The following CPVL variants were observed in gnomAD, a reference collection of about 807,000 sequenced individuals.
CPVL encodes the protein carboxypeptidase vitellogenic like.
CPVL carries 51 observed loss-of-function variants against 63.7 expected under a neutral mutation model. That is an observed-to-expected ratio of 0.80 (90% confidence interval 0.64 to 1.01). The LOEUF is 1.01. CPVL is among the 50% of genes least tolerant of loss of function. The pLI is 0.00. For missense variants in CPVL, 530 were observed against 573.1 expected, an observed-to-expected ratio of 0.92 and a Z score of 0.77; for synonymous variants, 195 against 206.0, an observed-to-expected ratio of 0.95 and a Z score of 0.46.
In CPVL at chr7:29,178,185, C is replaced by T. The variant is rs193000937; in HGVS notation, c.-11+3105G>A. On this transcript the variant is annotated intron_variant, in intron 5 of 16. Coordinates refer to the CPVL transcript ENST00000409850. ...AACCACTGGAATAGTCACATAGCCA[C>T]CGTGCACCCTGCTCTTCTTACTATC... Among the ~76,000 whole-genome samples, 85 of 152,332 alleles carry T rather than the reference C, an allele frequency of 5.6e-4. No individual in the cohort carries two copies. In the East Asian group the frequency reaches 0.012, roughly 21 times the overall value.
intron 11 of CPVL, among the ~76,000 whole-genome samples, chr7:29,062,640 G>GCCTAT (rs1316676848): frequency 6.6e-6 from 1 of 152,158 alleles, no homozygotes; most frequent in Non-Finnish European, 1.5e-5. Flanking sequence ...GGGTGCATTG[G>GCCTAT]CCAGGGACTG....
intron 3 of CPVL, among the ~76,000 whole-genome samples, chr7:29,096,984 CAAAAAAAAA>C (rs1165892123): frequency 8.4e-4 from 43 of 51,192 alleles, no homozygotes; most frequent in Non-Finnish European, 1.3e-3. Flanking sequence ...GACTCTGTCT[CAAAAAAAAA>C]AAAAAAAAAA....
chr7:29,047,673 A>G (rs980259456), intron 11 of CPVL, among the ~76,000 whole-genome samples: 6 of 152,224 alleles, frequency 3.9e-5, no homozygotes, highest in African/African-American at 1.4e-4. Context: ...ACATCCAAAT[A>G]CAAGAAGCAC....
intron 11 of CPVL, among the ~76,000 whole-genome samples, chr7:29,036,262 C>T (rs141939063): frequency 1.2e-4 from 18 of 152,264 alleles, no homozygotes; most frequent in East Asian, 3.9e-4. Flanking sequence ...GAGGATGCGA[C>T]GAACTATACA....
chr7:29,069,333 C>T (rs531835727), intron 9 of CPVL, among the ~76,000 whole-genome samples: 3 of 150,342 alleles, frequency 2.0e-5, no homozygotes, highest in South Asian at 2.1e-4. Context: ...CCCAGCTACT[C>T]GGGAGGCTGA....
intron 1 of CPVL, chr7:29,193,033 C>T (rs1783094845): frequency 1.3e-5 from 2 of 152,248 alleles, no homozygotes; most frequent in Non-Finnish European, 1.5e-5. Flanking sequence ...TGCATCATTT[C>T]GTGCAGTCCA....
At chr7:29,066,230 T>C in intron 9 of CPVL, 109 bp from the exon 10 acceptor site, 1 of 664,130 alleles carries the variant, frequency 1.5e-6, no homozygotes, top group Non-Finnish European at 2.6e-6. Context: ...CATTCCTTTA[T>C]TGTTTCATCC....
intron 11 of CPVL, among the ~76,000 whole-genome samples, chr7:29,050,916 G>T (rs984547031): frequency 6.6e-6 from 1 of 151,984 alleles, no homozygotes; most frequent in African/African-American, 2.4e-5. Flanking sequence ...ATAGACTGAT[G>T]GAACAGAATA....
chr7:29,036,923 G>A (rs1272874694), intron 11 of CPVL, among the ~76,000 whole-genome samples: 1 of 152,256 alleles, frequency 6.6e-6, no homozygotes, highest in Middle Eastern at 3.4e-3. Flanking sequence ...AGTGTACCAT[G>A]ATCCCCCAAC....
At chr7:29,154,383 C>T (rs1794048164) in intron 5 of CPVL, among the ~76,000 whole-genome samples, 4 of 152,228 alleles carry the variant, frequency 2.6e-5, no homozygotes, top group African/African-American at 9.6e-5. Context: ...CCCATCCCTT[C>T]TCTTTGCCTC....
chr7:29,060,163 C>G (rs1004799217), intron 11 of CPVL, among the ~76,000 whole-genome samples: 1 of 149,374 alleles, frequency 6.7e-6, no homozygotes, highest in Non-Finnish European at 1.5e-5. Flanking sequence ...TTGGTAATAG[C>G]TTATATATAT....
At chr7:29,172,620 TA>T (rs984754559) in intron 5 of CPVL, among the ~76,000 whole-genome samples, 2 of 152,228 alleles carry the variant, frequency 1.3e-5, no homozygotes, top group African/African-American at 4.8e-5. Context: ...AAAAGCTTAG[TA>T]AAGTCCATCT....
chr7:29,069,454 A>G (rs1783501886), intron 9 of CPVL, among the ~76,000 whole-genome samples: 1 of 152,072 alleles, frequency 6.6e-6, no homozygotes, highest in South Asian at 2.1e-4. Flanking sequence ...AAAAAAAAAA[A>G]AAAAAAGAAA....
At chr7:29,037,937 G>A (rs765156771) in intron 11 of CPVL, among the ~76,000 whole-genome samples, 8 of 152,182 alleles carry the variant, frequency 5.3e-5, no homozygotes, top group Non-Finnish European at 1.0e-4. Context: ...TCCCACAGCT[G>A]TCAGGAGGGC....
chr7:29,076,252 A>G (rs1252083790), intron 7 of CPVL, among the ~76,000 whole-genome samples: 1 of 152,142 alleles, frequency 6.6e-6, no homozygotes. Context: ...TCTGAGTTCT[A>G]ATGAAAACAG....
At chr7:29,065,211 G>A (rs1229422689) in intron 10 of CPVL, among the ~76,000 whole-genome samples, 1 of 152,016 alleles carries the variant, frequency 6.6e-6, no homozygotes, top group Non-Finnish European at 1.5e-5. Flanking sequence ...TACTAACTGT[G>A]AATATATTGT....
At position 29,069,827 on chromosome 7, in the gene CPVL, T is replaced by TGC. The variant is rs1167915801; in HGVS notation, c.864+1944_864+1945dup. On this transcript the variant is annotated intron_variant, in intron 9 of 12. Transcript: ENST00000265394. ...GTGTGTGTGTGTGTGTGTGTGTGTG[T>TGC]GCATGTAAATGCATAGGGACAGTAG... 3.0e-5 allele frequency among the ~76,000 whole-genome samples: 4 copies of TGC among 135,486 alleles called. No individual in the cohort carries two copies. The East Asian group carries it at 9.0e-4, about 30-fold the overall frequency. The allele number at this position is 135,486 out of a possible 152,430, so 88.9% of individuals were successfully genotyped here.
intron 5 of CPVL, among the ~76,000 whole-genome samples, chr7:29,168,178 C>T (rs1475084328): frequency 2.0e-5 from 3 of 152,140 alleles, no homozygotes; most frequent in Non-Finnish European, 2.9e-5. Context: ...CATCTTCTGA[C>T]GTTTGGTCTG....
intron 6 of CPVL, among the ~76,000 whole-genome samples, chr7:29,091,455 T>C (rs373702625): frequency 6.6e-6 from 1 of 151,944 alleles, no homozygotes; most frequent in Admixed American, 6.6e-5. Flanking sequence ...GAGCACACAG[T>C]GCCAAGAGAG....
Sources: allele counts gnomAD v4.1 joint callset (sites outside exome capture counted in the v4.1 genomes callset), GRCh38; gene constraint gnomAD v4.1.1; transcripts MANE v1.5; gene names NCBI Gene and HGNC (gene_info 2026-07-23, HGNC 2026-07-21).